The following DISC1 variants were observed in gnomAD, a reference collection of about 807,000 sequenced individuals.
The protein encoded by DISC1 is DISC1 scaffold protein, also known as disrupted in schizophrenia 1 protein.
In DISC1, 57 loss-of-function variants were observed where a neutral mutation model predicts 84.5. The observed-to-expected ratio is 0.67, with a 90% CI of 0.55 to 0.84. The LOEUF (loss-of-function observed/expected upper bound fraction) is 0.84, where lower values mean the gene tolerates loss of function less well. Among genes scored for constraint, DISC1 ranks in the 40% least tolerant of loss-of-function variants. The pLI is 0.00. For missense variants in DISC1, 1,000 were observed against 1,057.8 expected (o/e 0.95, Z 0.76); for synonymous variants, 411 against 415.2 (o/e 0.99, Z 0.12).
intron 1 of DISC1, among the ~76,000 whole-genome samples, chr1:231,634,347 G>T (rs1379852858): frequency 6.6e-6 from 1 of 152,098 alleles, no homozygotes; most frequent in Admixed American, 6.6e-5. Flanking sequence ...GAAAAAAAAA[G>T]TAAATACAGA....
intron 1 of DISC1, 136 bp downstream of exon 1, chr1:231,627,070 G>A: frequency 1.7e-6 from 1 of 591,798 alleles, no homozygotes. Context: ...GGAAACTGAG[G>A]CAGGACGCGA....
intron 1 of DISC1, among the ~76,000 whole-genome samples, chr1:231,687,513 C>T (rs142641195): frequency 9.2e-5 from 14 of 152,144 alleles, no homozygotes; most frequent in African/African-American, 3.1e-4. Flanking sequence ...CACTAGGTCC[C>T]CTCCCACACA....
intron 9 of DISC1, among the ~76,000 whole-genome samples, chr1:231,926,715 G>A (rs970437813): frequency 1.1e-4 from 17 of 152,194 alleles, no homozygotes. Context: ...TAGAAGACAA[G>A]CTCAGGGAAC....
Position 232,008,951 on chromosome 1 carries a change from C to T in DISC1, c.2209C>T (p.His737Tyr). Residue 737 changes from histidine to tyrosine, a missense_variant, in exon 11 of 13, where the codon CAC becomes TAC. His to Tyr is a moderately conservative substitution (Grantham distance 83, BLOSUM62 2). Transcript: ENST00000439617. ...GAAPPIPPRL[H>Y]SEDKRKTPLK... The stretch of plus-strand genomic sequence containing the variant: ...TGCTCCTCCTATTCCCCCCAGGCTC[C>T]ACTCCGAGGATAAAAGGAAGACCCC... The T allele has an allele frequency of 6.2e-7, 1 of 1,613,846 alleles. No homozygotes were observed. The highest frequency in any genetic ancestry group is 2.2e-5 in the East Asian group (1 of 44,852).
intron 10 of DISC1, among the ~76,000 whole-genome samples, chr1:232,006,045 T>TACTCCCA (rs1442456790): frequency 1.3e-5 from 2 of 152,240 alleles, no homozygotes; most frequent in Non-Finnish European, 2.9e-5. Context: ...CAGGGATATG[T>TACTCCCA]ACTCCCAACT....
At chr1:231,638,078 A>G (rs988184456) in intron 1 of DISC1, among the ~76,000 whole-genome samples, 17 of 152,116 alleles carry the variant, frequency 1.1e-4, no homozygotes, top group Admixed American at 3.3e-4. Flanking sequence ...TGTGGTTTCA[A>G]TTTGCATTTC....
At chr1:231,771,522 G>T (rs920036886) in intron 6 of DISC1, 49 of 985,304 alleles carry the variant, frequency 5.0e-5, no homozygotes, top group Non-Finnish European at 5.8e-5. Context: ...ATTGTTACTG[G>T]TAGCTAAAAT....
At chr1:231,882,859 T>A (rs2086395003) in intron 9 of DISC1, among the ~76,000 whole-genome samples, 1 of 151,966 alleles carries the variant, frequency 6.6e-6, no homozygotes, top group Admixed American at 6.6e-5. Flanking sequence ...TCACTGTGCA[T>A]AATGATGGGC....
chr1:231,750,593 C>T, intron 4 of DISC1: 1 of 985,100 alleles, frequency 1.0e-6, no homozygotes, highest in Non-Finnish European at 1.2e-6. Flanking sequence ...GGCTTGTGGT[C>T]CTGGCTGCAT....
At chr1:231,734,171 T>C (rs900137019) in intron 3 of DISC1, among the ~76,000 whole-genome samples, 1 of 152,140 alleles carries the variant, frequency 6.6e-6, no homozygotes, top group South Asian at 2.1e-4. Context: ...ATATAAGTGA[T>C]TCACTTTTCC....
At chr1:231,957,178 A>G (rs1309172604) in intron 9 of DISC1, among the ~76,000 whole-genome samples, 2 of 151,942 alleles carry the variant, frequency 1.3e-5, no homozygotes, top group Non-Finnish European at 2.9e-5. Flanking sequence ...TTTTCTCCCT[A>G]TGGAACATTT....
intron 3 of DISC1, among the ~76,000 whole-genome samples, chr1:231,718,555 G>T (rs949709162): frequency 4.6e-5 from 7 of 151,622 alleles, no homozygotes; most frequent in Non-Finnish European, 7.4e-5. Context: ...TCCTGCCTCA[G>T]CCTCCCGAGT....
At chr1:231,670,733 T>C (rs1472142051) in intron 1 of DISC1, 1 of 152,194 alleles carries the variant, frequency 6.6e-6, no homozygotes, top group African/African-American at 2.4e-5. Context: ...TTTTCAGCCT[T>C]GGTGCTTTGT....
intron 4 of DISC1, among the ~76,000 whole-genome samples, chr1:231,754,914 A>G (rs771262089): frequency 1.3e-5 from 2 of 152,122 alleles, no homozygotes; most frequent in Non-Finnish European, 2.9e-5. Context: ...AGTTGTCTGT[A>G]TACTATGCCA....
intron 10 of DISC1, among the ~76,000 whole-genome samples, chr1:231,986,761 A>G (rs1664508346): frequency 6.6e-6 from 1 of 152,230 alleles, no homozygotes; most frequent in Non-Finnish European, 1.5e-5. Context: ...GTATCCAGTG[A>G]AGATAATGTG....
chr1:231,864,587 C>T (rs931328065), intron 9 of DISC1, among the ~76,000 whole-genome samples: 5 of 152,028 alleles, frequency 3.3e-5, no homozygotes, highest in Non-Finnish European at 4.4e-5. Context: ...GACATGAACC[C>T]GGGAGGCAGA....
intron 3 of DISC1, among the ~76,000 whole-genome samples, chr1:231,716,958 A>G (rs1195672515): frequency 2.6e-5 from 4 of 152,162 alleles, no homozygotes; most frequent in African/African-American, 4.8e-5. Flanking sequence ...AAAAATCAAT[A>G]TCAAATCCAC....
rs969788941 is a variant in DISC1, at chr1:231,926,318, G to C, written c.1982-32510G>C. 2.0e-5 allele frequency among the ~76,000 whole-genome samples: 3 copies of C among 152,068 alleles called. No individual in the cohort carries two copies. In the East Asian group the frequency reaches 5.8e-4, roughly 29 times the overall value. The stretch of plus-strand genomic sequence containing the variant: ...ACAGTTCAAAACCCTATCAAAAGTG[G>C]GTTTACGTAAAAAAAACTAGTGTGT... On this transcript the variant is annotated intron_variant, in intron 9 of 12. Coordinates refer to ENST00000439617, the MANE Select transcript of DISC1 (RefSeq NM_018662.3).
At chr1:231,772,757 T>C (rs1284542313) in intron 6 of DISC1, among the ~76,000 whole-genome samples, 1 of 152,214 alleles carries the variant, frequency 6.6e-6, no homozygotes, top group Admixed American at 6.5e-5. Flanking sequence ...ACGACTGTTC[T>C]GTCTTCCACA....
Sources: allele counts gnomAD v4.1 joint callset (sites outside exome capture counted in the v4.1 genomes callset), GRCh38; gene constraint gnomAD v4.1.1; transcripts MANE v1.5; gene names NCBI Gene and HGNC (gene_info 2026-07-23, HGNC 2026-07-21).